Variants in ZFAND4 observed in about 807,000 individuals in gnomAD.
ZFAND4 encodes the protein AN1-type zinc finger protein 4.
A neutral mutation model predicts 64.4 loss-of-function variants in ZFAND4; 43 were observed. The observed-to-expected ratio is 0.67, with a 90% CI of 0.52 to 0.86. ZFAND4 has a LOEUF of 0.86. Ranked by LOEUF, ZFAND4 falls within the 40% of genes least tolerant of loss-of-function variation. The probability of loss-of-function intolerance (pLI) is 0.00; values close to 1 mark genes in which losing one functional copy is unlikely to be tolerated. For synonymous variants in ZFAND4, 296 were observed against 305.7 expected (o/e 0.97, Z 0.33); for missense variants, 929 against 859.8 (o/e 1.08, Z -1.01).
At chr10:45,667,579 C>T (rs2048915224) in intron 1 of ZFAND4, among the ~76,000 whole-genome samples, 1 of 150,992 alleles carries the variant, frequency 6.6e-6, no homozygotes, top group African/African-American at 2.4e-5. Context: ...AGCGATTCGC[C>T]TGTCTCAGCT....
At chr10:45,645,159 G>A (rs567088178) in intron 5 of ZFAND4, among the ~76,000 whole-genome samples, 2 of 151,946 alleles carry the variant, frequency 1.3e-5, no homozygotes, top group East Asian at 3.9e-4. Context: ...TTTTTTTCCA[G>A]ATGGAGTTTC....
Position 45,621,270 on chromosome 10 carries a change from G to A in ZFAND4, c.1928-3010C>T, listed in dbSNP as rs185158249. ...TGAAACTTGCATCAAAATGTATATA[G>A]ACTCTTCTAGATAATTCAGAATGAT... On this transcript the variant is annotated intron_variant, in intron 8 of 9. Transcript: ENST00000344646. Among the ~76,000 whole-genome samples, 888 of 152,144 alleles carry A rather than the reference G, an allele frequency of 5.8e-3. 6 individuals are homozygous for A. Among genetic ancestry groups the A allele is most frequent in the Non-Finnish European group, 8.6e-3 (587 of 67,998 alleles).
intron 2 of ZFAND4, 70 bp downstream of exon 2, chr10:45,663,472 T>C: frequency 8.0e-7 from 1 of 1,246,638 alleles, no homozygotes; most frequent in Non-Finnish European, 1.1e-6. Context: ...TAAAATACTT[T>C]AAAAACTACT....
Position 45,632,998 on chromosome 10 carries a change from A to AG in ZFAND4, c.718-5894dup, listed in dbSNP as rs556173095. On this transcript the variant is annotated intron_variant, in intron 6 of 9. Coordinates refer to ENST00000344646, the MANE Select transcript of ZFAND4 (RefSeq NM_174890.4). ...CCTGATATCAGGCAAGGAAAATTCA[A>AG]GGGGAAAGTCAGTGAATGTGATAGA... Among the ~76,000 whole-genome samples, 142 of 152,292 alleles carry AG rather than the reference A, an allele frequency of 9.3e-4. 1 individual carries two copies. The highest frequency in any genetic ancestry group is 3.1e-3 in the African/African-American group (130 of 41,582).
chr10:45,624,842 G>T (rs2045684171), intron 7 of ZFAND4, among the ~76,000 whole-genome samples: 1 of 152,040 alleles, frequency 6.6e-6, no homozygotes, highest in African/African-American at 2.4e-5. Context: ...CTTTAAGAGG[G>T]TAGAATTTGC....
Position 45,627,097 on chromosome 10 carries a change from T to C in ZFAND4, c.726A>G (p.Lys242=). The change falls in exon 7 of 10, where the codon AAA becomes AAG. Residue 242 remains lysine, a synonymous_variant. Transcript: ENST00000344646. ...GTGGGTGAGGTTTTATCTTGACAGC[T>C]TTCTTAGGCTAAAAGGAATGAATAT... is the stretch of plus-strand genomic sequence containing the variant. The part of the protein sequence containing the change: ...KNMNLSKKPK[K]AVKIKPHPPV... 1 of 1,533,248 alleles carries C rather than the reference T, an allele frequency of 6.5e-7. No homozygotes were observed. Among genetic ancestry groups the C allele is most frequent in the Middle Eastern group, 1.8e-4 (1 of 5,642 alleles). The allele number at this position is 1,533,248 out of a possible 1,614,324, so 95.0% of individuals were successfully genotyped here.
Position 45,626,067 on chromosome 10 carries a change from G to C in ZFAND4, c.1756C>G (p.Arg586Gly), listed in dbSNP as rs35142284. ...GAGTTCTGAAGCCTGCCTGCCCCACGTGTGCTCTGTAATCTATTTCTGCTT... is the reference window on the plus strand; with the variant it reads ...GAGTTCTGAAGCCTGCCTGCCCCACCTGTGCTCTGTAATCTATTTCTGCTT... ...STSRNRLQST[R>G]GAGRLQNSGT... is the part of the protein sequence containing the mutation. The change falls in exon 7 of 10, where the codon CGT (arginine) becomes GGT (glycine). Residue 586 changes from arginine to glycine, a missense_variant. Transcript: ENST00000344646. The C allele has an allele frequency of 1.5e-4, 239 of 1,614,010 alleles. 1 individual carries two copies. In the African/African-American group the frequency reaches 2.5e-3, roughly 17 times the overall value.
At chr10:45,654,863 T>G (rs2133808359) in intron 2 of ZFAND4, among the ~76,000 whole-genome samples, 1 of 152,172 alleles carries the variant, frequency 6.6e-6, no homozygotes, top group South Asian at 2.1e-4. Context: ...CATAAAACAA[T>G]TGCTATCAGG....
At chr10:45,662,642 G>A (rs933587950) in intron 2 of ZFAND4, 1 of 985,406 alleles carries the variant, frequency 1.0e-6, no homozygotes, top group Non-Finnish European at 1.2e-6. Context: ...TGTGGTCACT[G>A]GACTCGGCCA....
At position 45,663,571 on chromosome 10, in the gene ZFAND4, G is replaced by T. The variant is rs766437774; in HGVS notation, c.155C>A (p.Ser52Tyr). The T allele has an allele frequency of 1.7e-5, 27 of 1,600,628 alleles. No individual in the cohort carries two copies. The South Asian group carries it at 3.1e-4, about 18-fold the overall frequency. ...CAATCTTCGAATTTTTGCTTTCACA[G>T]AAATAACAGTTTCAAAAGGTGAAAC... is the stretch of plus-strand genomic sequence containing the variant. ...LRVSPFETVISVKAKIRRLEG... is the reference protein window; with the variant it reads ...LRVSPFETVIYVKAKIRRLEG... The change falls in exon 2 of 10, where the codon TCT becomes TAT. Residue 52 changes from serine (S) to tyrosine (Y), a missense_variant. Ser to Tyr is a moderately radical substitution (Grantham distance 144, BLOSUM62 -2). Transcript: ENST00000344646.
chr10:45,616,163 C>A lies in ZFAND4; in HGVS notation c.*273G>T. ...TTTGAAGATTTGCCTAGTAAAACTG[C>A]AATATCATATACAAAACACTTAACA... On this transcript the variant is annotated 3_prime_UTR_variant, in exon 10 of 10. Coordinates refer to ENST00000344646, the MANE Select transcript of ZFAND4 (RefSeq NM_174890.4). 1 of 347,694 alleles carries A rather than the reference C, an allele frequency of 2.9e-6. No homozygotes were observed. The highest frequency in any genetic ancestry group is 4.4e-5 in the South Asian group (1 of 22,822). The allele number at this position is 347,694 out of a possible 1,614,324, so 21.5% of individuals were successfully genotyped here. A position where few individuals can be genotyped will look rare whatever the true frequency, so the allele number is the denominator to read the frequency against.
At chr10:45,651,197 C>A in intron 4 of ZFAND4, 1 of 162,636 alleles carries the variant, frequency 6.1e-6, no homozygotes, top group South Asian at 1.7e-4. Context: ...CATGGGAATT[C>A]ATGTGACATA....
intron 6 of ZFAND4, among the ~76,000 whole-genome samples, chr10:45,638,242 G>A (rs1165675488): frequency 6.6e-6 from 1 of 151,744 alleles, no homozygotes; most frequent in Non-Finnish European, 1.5e-5. Flanking sequence ...CCAGCACTTT[G>A]GGAGGTCGAG....
chr10:45,657,249 T>G (rs573537710), intron 2 of ZFAND4, among the ~76,000 whole-genome samples: 1 of 152,164 alleles, frequency 6.6e-6, no homozygotes, highest in Non-Finnish European at 1.5e-5. Context: ...CTCCTGGACT[T>G]GAGTGATCCA....
At chr10:45,620,961 T>C (rs1017397635) in intron 8 of ZFAND4, 7 of 152,206 alleles carry the variant, frequency 4.6e-5, no homozygotes, top group African/African-American at 1.7e-4. Context: ...AAAATCATAT[T>C]GATGGTAAGA....
chr10:45,645,660 T>C (rs1387348275), intron 5 of ZFAND4, among the ~76,000 whole-genome samples: 1 of 152,224 alleles, frequency 6.6e-6, no homozygotes, highest in African/African-American at 2.4e-5. Flanking sequence ...CAACTAGTGT[T>C]TGAATTACAC....
intron 8 of ZFAND4, among the ~76,000 whole-genome samples, chr10:45,621,634 C>T (rs1302281287): frequency 3.3e-5 from 5 of 151,756 alleles, no homozygotes; most frequent in Non-Finnish European, 5.9e-5. Context: ...CCCAGCTGCT[C>T]GGGAGGCTGA....
intron 8 of ZFAND4, among the ~76,000 whole-genome samples, chr10:45,618,695 G>C (rs2045187287): frequency 6.6e-6 from 1 of 152,090 alleles, no homozygotes; most frequent in African/African-American, 2.4e-5. Context: ...ATGCCTTTTA[G>C]TCCTATTACA....
chr10:45,668,917 A>G lies in ZFAND4; in HGVS notation c.-118+3333T>C, dbSNP rs528808876. ...TAAAGCAGTGTGTACAGGGAAATTT[A>G]TAGCACTAAATGCCCACAAGAGAAA... On this transcript the variant is annotated intron_variant, in intron 1 of 9. Transcript: ENST00000344646. Among the ~76,000 whole-genome samples the G allele has an allele frequency of 5.9e-5, 9 of 151,850 alleles. No homozygotes were observed. In the East Asian group the frequency reaches 1.7e-3, roughly 29 times the overall value.
Sources: allele counts gnomAD v4.1 joint callset (sites outside exome capture counted in the v4.1 genomes callset), GRCh38; gene constraint gnomAD v4.1.1; transcripts MANE v1.5; gene names NCBI Gene and HGNC (gene_info 2026-07-23, HGNC 2026-07-21).